The following ADGRL4 variants were observed in gnomAD, a reference collection of about 807,000 sequenced individuals.
ADGRL4 encodes the protein EGF, latrophilin and seven transmembrane domain containing 1.
ADGRL4 carries 90 observed loss-of-function variants against 74.8 expected under a neutral mutation model. The observed-to-expected ratio is 1.20, with a 90% confidence interval of 1.02 to 1.43. ADGRL4 has a LOEUF of 1.43. Among genes scored for constraint, ADGRL4 ranks in the 40% most tolerant of loss-of-function variants. The pLI, the probability that ADGRL4 is intolerant of heterozygous loss-of-function variation, is 0.00. For synonymous variants in ADGRL4, 311 were observed against 279.2 expected, an observed-to-expected ratio of 1.11 and a Z score of -1.14; for missense variants, 881 against 814.3, an observed-to-expected ratio of 1.08 and a Z score of -1.00.
At chr1:78,961,155 C>T (rs543231901) in intron 2 of ADGRL4, among the ~76,000 whole-genome samples, 15 of 151,750 alleles carry the variant, frequency 9.9e-5, no homozygotes. Flanking sequence ...GATCTTGGCT[C>T]ACTGCAACCT....
chr1:78,961,780 G>A (rs910942614), intron 2 of ADGRL4, among the ~76,000 whole-genome samples: 1 of 152,082 alleles, frequency 6.6e-6, no homozygotes, highest in Non-Finnish European at 1.5e-5. Flanking sequence ...ATGTGACTAG[G>A]TAAGCATATA....
intron 3 of ADGRL4, among the ~76,000 whole-genome samples, chr1:78,941,935 T>G (rs896076226): frequency 6.6e-6 from 1 of 151,986 alleles, no homozygotes; most frequent in African/African-American, 2.4e-5. Context: ...CGCAGTGGCT[T>G]TCGCCTGTAA....
intron 12 of ADGRL4, among the ~76,000 whole-genome samples, chr1:78,909,843 A>G (rs779328127): frequency 8.6e-5 from 13 of 151,876 alleles, no homozygotes; most frequent in Non-Finnish European, 1.9e-4. Context: ...TGGAATAAAG[A>G]TTCTCTGTGC....
At chr1:79,001,608 A>G (rs908148132) in intron 2 of ADGRL4, among the ~76,000 whole-genome samples, 4 of 152,172 alleles carry the variant, frequency 2.6e-5, no homozygotes, top group Admixed American at 6.5e-5. Flanking sequence ...GCTTATTTGT[A>G]TAACACACTA....
chr1:78,894,471 A>C (rs1463714555), intron 12 of ADGRL4, among the ~76,000 whole-genome samples: 1 of 151,828 alleles, frequency 6.6e-6, no homozygotes, highest in Admixed American at 6.6e-5. Context: ...ATTTAAATTG[A>C]TTTAGGTGAT....
chr1:78,911,350 G>A (rs1648758030), intron 12 of ADGRL4, among the ~76,000 whole-genome samples: 1 of 151,702 alleles, frequency 6.6e-6, no homozygotes, highest in African/African-American at 2.4e-5. Context: ...TAAAAAATTT[G>A]CCCCTAATTA....
rs1649706250 is a variant in ADGRL4 at position 78,950,761 on chromosome 1, G to A, written c.173-4335C>T. On this transcript the variant is annotated intron_variant, in intron 2 of 14. Transcript: ENST00000370742. ...ATCAGTGGGGCTTGGAGATTGAATG[G>A]ATATTTGAGTTGGCTGAAGAGAGGG... Among the ~76,000 whole-genome samples, 3 of 152,040 alleles carry A rather than the reference G, an allele frequency of 2.0e-5. No individual in the cohort carries two copies. In the South Asian group the frequency reaches 6.2e-4, roughly 32 times the overall value.
chr1:78,916,828 C>T (rs1648881779), intron 12 of ADGRL4, among the ~76,000 whole-genome samples: 1 of 151,870 alleles, frequency 6.6e-6, no homozygotes, highest in African/African-American at 2.4e-5. Context: ...ATTCATTCCA[C>T]TCTAGAGTTT....
chr1:79,002,374 T>G (rs140021519), intron 2 of ADGRL4, among the ~76,000 whole-genome samples: 2,618 of 152,236 alleles, frequency 0.017, 73 homozygotes, highest in African/African-American at 0.059. Context: ...AATTATTCCC[T>G]TTACTCATAG....
chr1:79,002,569 A>G (rs745543892), intron 2 of ADGRL4, among the ~76,000 whole-genome samples: 3 of 152,144 alleles, frequency 2.0e-5, no homozygotes, highest in Non-Finnish European at 4.4e-5. Context: ...GCCGAGTTAC[A>G]TGATAAATTA....
chr1:78,900,874 T>C (rs78919058), intron 12 of ADGRL4, among the ~76,000 whole-genome samples: 5,849 of 152,226 alleles, frequency 0.038, 148 homozygotes, highest in South Asian at 0.067. Flanking sequence ...ATGTATATAA[T>C]GAAATACCCT....
intron 2 of ADGRL4, among the ~76,000 whole-genome samples, chr1:78,951,966 T>C (rs1026109376): frequency 6.6e-6 from 1 of 152,208 alleles, no homozygotes; most frequent in Non-Finnish European, 1.5e-5. Flanking sequence ...GTTATCTTCT[T>C]TGTATAATAG....
intron 2 of ADGRL4, among the ~76,000 whole-genome samples, chr1:78,998,238 C>G: frequency 7.0e-6 from 1 of 143,500 alleles, no homozygotes; most frequent in East Asian, 2.1e-4. Flanking sequence ...TCATGGCCTC[C>G]CTCTGATTTC....
At chr1:78,971,307 T>C (rs1216878224) in intron 2 of ADGRL4, among the ~76,000 whole-genome samples, 3 of 152,186 alleles carry the variant, frequency 2.0e-5, no homozygotes, top group Non-Finnish European at 4.4e-5. Flanking sequence ...CTTTAAGTTT[T>C]AGGATACATG....
intron 3 of ADGRL4, among the ~76,000 whole-genome samples, chr1:78,941,971 G>A (rs1195448706): frequency 1.3e-5 from 2 of 151,724 alleles, no homozygotes; most frequent in East Asian, 3.9e-4. Flanking sequence ...AGGCCGAGGC[G>A]GGTGGATCAC....
chr1:78,987,154 C>A (rs1445359946), intron 2 of ADGRL4, among the ~76,000 whole-genome samples: 1 of 151,590 alleles, frequency 6.6e-6, no homozygotes, highest in Non-Finnish European at 1.5e-5. Context: ...TAATTGAAAG[C>A]ATAATAATTA....
intron 12 of ADGRL4, among the ~76,000 whole-genome samples, chr1:78,899,123 G>T (rs1230002147): frequency 1.3e-5 from 2 of 152,084 alleles, no homozygotes; most frequent in African/African-American, 2.4e-5. Context: ...TTAGACCCAT[G>T]CTTAAATTTT....
chr1:78,891,272 TTC>T (rs1463053291), intron 14 of ADGRL4, 56 bp from the exon 15 acceptor site: 2 of 1,515,190 alleles, frequency 1.3e-6, no homozygotes, highest in Non-Finnish European at 1.8e-6. Flanking sequence ...CACATTTAAT[TTC>T]TTTTTCAAAT....
chr1:78,980,096 T>G (rs1252228954), intron 2 of ADGRL4, among the ~76,000 whole-genome samples: 2 of 151,928 alleles, frequency 1.3e-5, no homozygotes, highest in African/African-American at 4.8e-5. Context: ...GGTTTCATTT[T>G]TTTTTCTAGC....
Sources: gnomAD v4.1 joint callset for allele counts (sites outside exome capture counted in the v4.1 genomes callset) on GRCh38, gnomAD v4.1.1 for gene constraint, MANE v1.5 for transcripts, NCBI Gene and HGNC (gene_info 2026-07-23, HGNC 2026-07-21) for gene names.